The following PDE1C variants were observed in gnomAD, a reference collection of about 807,000 sequenced individuals.
The protein encoded by PDE1C is dual specificity calcium/calmodulin-dependent 3',5'-cyclic nucleotide phosphodiesterase 1C.
A neutral mutation model predicts 93.1 loss-of-function variants in PDE1C; 62 were observed. The ratio of observed to expected loss-of-function variants is 0.67; its 90% CI spans 0.54 to 0.82. The LOEUF is 0.82. Ranked by LOEUF, PDE1C falls within the 40% of genes least tolerant of loss-of-function variation. PDE1C has a pLI of 0.00. For synonymous variants in PDE1C, 325 were observed against 310.1 expected (o/e 1.05, Z -0.50); for missense variants, 742 against 884.6 (o/e 0.84, Z 2.04).
chr7:31,641,277 A>G, the PDE1C span, among the ~76,000 whole-genome samples: 1 of 152,136 alleles, frequency 6.6e-6, no homozygotes, highest in South Asian at 2.1e-4. Flanking sequence ...CCAAATACTC[A>G]AGCATTGTAT....
chr7:31,901,702 T>A (rs1294082708), intron 2 of PDE1C, among the ~76,000 whole-genome samples: 2 of 151,408 alleles, frequency 1.3e-5, no homozygotes. Flanking sequence ...TTATGTCTTG[T>A]CCTACCATCT....
intron 15 of PDE1C, among the ~76,000 whole-genome samples, chr7:31,813,652 AT>A (rs1223284623): frequency 1.3e-5 from 2 of 151,808 alleles, no homozygotes; most frequent in Non-Finnish European, 2.9e-5. Flanking sequence ...ATATGTTTTT[AT>A]TTTTTTTAAT....
the PDE1C span, chr7:31,643,009 C>G: frequency 1.2e-6 from 2 of 1,613,990 alleles, no homozygotes; most frequent in Non-Finnish European, 1.7e-6. Context: ...TCTGCCAATG[C>G]CCCATGCTGA....
chr7:32,214,317 G>T (rs1806267929), intron 1 of PDE1C, among the ~76,000 whole-genome samples: 1 of 152,128 alleles, frequency 6.6e-6, no homozygotes, highest in African/African-American at 2.4e-5. Context: ...AGGGCTCCTT[G>T]TAAGACTCAA....
At chr7:32,391,395 G>T (rs1034676515) in intron 1 of PDE1C, among the ~76,000 whole-genome samples, 6 of 152,124 alleles carry the variant, frequency 3.9e-5, no homozygotes, top group Admixed American at 3.3e-4. Flanking sequence ...CAACTCAACA[G>T]TAGTAGTTGA....
chr7:31,833,426 G>T (rs1404964500), intron 11 of PDE1C, among the ~76,000 whole-genome samples: 1 of 152,214 alleles, frequency 6.6e-6, no homozygotes, highest in Non-Finnish European at 1.5e-5. Context: ...ACAGGCAGAG[G>T]TTGGAACAGT....
At chr7:31,646,357 G>A in the PDE1C span, among the ~76,000 whole-genome samples, 375 of 152,278 alleles carry the variant, frequency 2.5e-3, no homozygotes, top group Non-Finnish European at 4.5e-3. Flanking sequence ...TGGTTCTGGG[G>A]ATTGAAAGTG....
At chr7:31,933,464 G>A (rs369970739) in intron 2 of PDE1C, among the ~76,000 whole-genome samples, 1 of 152,218 alleles carries the variant, frequency 6.6e-6, no homozygotes, top group East Asian at 1.9e-4. Flanking sequence ...TATTGTATTG[G>A]AAGAAACTTT....
the PDE1C span, chr7:31,652,832 C>G: frequency 1.9e-6 from 3 of 1,609,934 alleles, no homozygotes; most frequent in Non-Finnish European, 2.5e-6. Context: ...TCCTCTAGAT[C>G]AGAGCAGGTT....
intron 2 of PDE1C, among the ~76,000 whole-genome samples, chr7:32,195,787 A>C (rs1485040728): frequency 6.6e-6 from 1 of 152,166 alleles, no homozygotes; most frequent in Non-Finnish European, 1.5e-5. Context: ...AGATTAAGCA[A>C]AGGAATATGG....
the PDE1C span, among the ~76,000 whole-genome samples, chr7:31,705,269 A>G: frequency 6.6e-6 from 1 of 152,204 alleles, no homozygotes; most frequent in African/African-American, 2.4e-5. Context: ...GTAACCAGAA[A>G]GTTGATCTGG....
intron 2 of PDE1C, among the ~76,000 whole-genome samples, chr7:32,206,679 G>T (rs955059449): frequency 3.7e-4 from 57 of 152,200 alleles, no homozygotes; most frequent in Admixed American, 9.8e-4. Flanking sequence ...GCACCCATGT[G>T]AGGTGCCCAC....
At chr7:31,978,606 A>T (rs1293053980) in intron 2 of PDE1C, among the ~76,000 whole-genome samples, 1 of 152,170 alleles carries the variant, frequency 6.6e-6, no homozygotes, top group Non-Finnish European at 1.5e-5. Flanking sequence ...GGTGGAGTGG[A>T]AGGAAGCAGA....
intron 17 of PDE1C, among the ~76,000 whole-genome samples, chr7:31,772,678 G>A (rs368500217): frequency 1.3e-3 from 204 of 152,268 alleles, no homozygotes; most frequent in African/African-American, 4.3e-3. Flanking sequence ...CACAGCAAAT[G>A]TTTTCATCTC....
chr7:32,174,779 G>A (rs1802876499), intron 2 of PDE1C, among the ~76,000 whole-genome samples: 1 of 152,180 alleles, frequency 6.6e-6, no homozygotes, highest in Non-Finnish European at 1.5e-5. Flanking sequence ...TCAGAAAGGA[G>A]ACTGGTGTGC....
the PDE1C span, among the ~76,000 whole-genome samples, chr7:31,688,545 C>T: frequency 6.6e-6 from 1 of 152,268 alleles, no homozygotes; most frequent in African/African-American, 2.4e-5. Flanking sequence ...TTTCTGGCAC[C>T]CAGTTCCTTC....
chr7:32,080,517 CAG>C, intron 3 of PDE1C, among the ~76,000 whole-genome samples: 1 of 152,212 alleles, frequency 6.6e-6, no homozygotes, highest in East Asian at 1.9e-4. Flanking sequence ...AAGCACTGAC[CAG>C]AGTTACCTTT....
rs779392272 is a variant in PDE1C, at chr7:32,365,154, G to C, written c.310+62668C>G. ...CCCTGGACCTGCAATCAGGGCTTGAGGAACAGCTCCATGGGCTGCCCTTGT... is the reference window on the plus strand; with the variant it reads ...CCCTGGACCTGCAATCAGGGCTTGACGAACAGCTCCATGGGCTGCCCTTGT... On this transcript the variant is annotated intron_variant, in intron 1 of 1. Transcript: ENST00000672256. 1.9e-4 allele frequency among the ~76,000 whole-genome samples: 29 copies of C among 152,160 alleles called. 1 individual carries two copies. Among genetic ancestry groups the C allele is most frequent in the Non-Finnish European group, 3.7e-4 (25 of 68,022 alleles).
the PDE1C span, among the ~76,000 whole-genome samples, chr7:31,618,722 T>G: frequency 6.6e-6 from 1 of 152,166 alleles, no homozygotes; most frequent in Non-Finnish European, 1.5e-5. Flanking sequence ...AAACCAAGGC[T>G]CTTAAAAGCT....
Sources: allele counts gnomAD v4.1 joint callset (sites outside exome capture counted in the v4.1 genomes callset), GRCh38; gene constraint gnomAD v4.1.1; transcripts MANE v1.5; gene names NCBI Gene and HGNC (gene_info 2026-07-23, HGNC 2026-07-21).